The following HMGA1 variants were observed in gnomAD, a reference collection of about 807,000 sequenced individuals.
HMGA1 encodes the protein high mobility group protein HMG-I/HMG-Y.
A neutral mutation model predicts 15.1 loss-of-function variants in HMGA1; 1 was observed. The observed-to-expected ratio is 0.07, with a 90% CI of 0.02 to 0.31. The LOEUF (loss-of-function observed/expected upper bound fraction) is 0.31. Ranked by LOEUF, HMGA1 falls within the 10% of genes least tolerant of loss-of-function variation. HMGA1 has a pLI of 1.00. For missense variants in HMGA1, 94 were observed against 141.4 expected (o/e 0.66, Z 1.70); for synonymous variants, 56 against 54.8 (o/e 1.02, Z -0.10).
Position 34,244,950 on chromosome 6 carries a change from C to T in HMGA1, c.*66C>T, listed in dbSNP as rs752273694. The T allele has an allele frequency of 7.3e-5, 113 of 1,547,404 alleles. No homozygotes were observed. The highest frequency in any genetic ancestry group is 6.1e-4 in the Admixed American group (31 of 50,940). Reference sequence around the variant, plus strand: ...CTTCTGGGACTGGACAGCTTTGCTCCGCTCCCACCGCCCCCACCCCTTCCC... The same window carrying T: ...CTTCTGGGACTGGACAGCTTTGCTCTGCTCCCACCGCCCCCACCCCTTCCC... On this transcript the variant is annotated 3_prime_UTR_variant, in exon 6 of 6. Transcript: ENST00000311487.
chr6:34,244,060 G>A (rs1762518102), intron 5 of HMGA1, among the ~76,000 whole-genome samples: 1 of 151,876 alleles, frequency 6.6e-6, no homozygotes, highest in Admixed American at 6.6e-5. Context: ...TGCCTCTAGG[G>A]GGCCACTGCA....
chr6:34,244,271 G>A (rs374565901), intron 5 of HMGA1, among the ~76,000 whole-genome samples: 2 of 152,078 alleles, frequency 1.3e-5, no homozygotes, highest in East Asian at 1.9e-4. Flanking sequence ...CTGTAGCCCC[G>A]TGTGGTGTCC....
chr6:34,242,073 AC>A (rs1460532204), intron 3 of HMGA1, among the ~76,000 whole-genome samples: 3 of 152,164 alleles, frequency 2.0e-5, no homozygotes, highest in African/African-American at 7.2e-5. Context: ...GCGCGCCTTC[AC>A]CACACACCTT....
At chr6:34,237,844 C>T (rs1003628646) in intron 2 of HMGA1, among the ~76,000 whole-genome samples, 1 of 151,908 alleles carries the variant, frequency 6.6e-6, no homozygotes, top group African/African-American at 2.4e-5. Flanking sequence ...CCTACGCCCT[C>T]TCGGCCTTTC....
At chr6:34,240,676 T>TG (rs1762230523) in intron 2 of HMGA1, 61 bp from the exon 3 acceptor site, 1 of 1,317,348 alleles carries the variant, frequency 7.6e-7, no homozygotes, top group African/African-American at 1.5e-5. Context: ...GTGTGGGTGA[T>TG]GAGGGGGTAG....
intron 2 of HMGA1, 171 bp from the exon 3 acceptor site, chr6:34,240,566 C>A (rs1762219472): frequency 1.7e-6 from 1 of 596,440 alleles, no homozygotes; most frequent in South Asian, 1.9e-5. Context: ...CCCTTCCCCG[C>A]CCTTGGCAGC....
chr6:34,242,831 A>T (rs2127544391), intron 4 of HMGA1, 36 bp downstream of exon 4: 1 of 1,473,716 alleles, frequency 6.8e-7, no homozygotes, highest in Middle Eastern at 1.7e-4. Context: ...TGGGTGGATG[A>T]CTAGCAGAGG....
At chr6:34,237,649 C>G (rs1305414028) in intron 2 of HMGA1, among the ~76,000 whole-genome samples, 1 of 147,628 alleles carries the variant, frequency 6.8e-6, no homozygotes, top group Non-Finnish European at 1.5e-5. Flanking sequence ...CCCGGAGGAG[C>G]CCGGCGCACC....
At chr6:34,239,465 CTAT>C (rs1467079710) in intron 2 of HMGA1, among the ~76,000 whole-genome samples, 1 of 151,998 alleles carries the variant, frequency 6.6e-6, no homozygotes, top group African/African-American at 2.4e-5. Flanking sequence ...AGATTTCTTT[CTAT>C]TATTTTAAGT....
rs1761839896 is a variant in HMGA1, at chr6:34,237,304, C to A, written c.-58C>A. On this transcript the variant is annotated 5_prime_UTR_variant, in exon 2 of 6. Coordinates refer to ENST00000311487, the MANE Select transcript of HMGA1 (RefSeq NM_145899.3). ...ACCCGGAGCGCGCACCGCAGGCCGG[C>A]GGCCGAGCTCGCGGTGAGTCGTCCC... The A allele has an allele frequency of 6.8e-6, 1 of 147,270 alleles. No homozygotes were observed. Among genetic ancestry groups the A allele is most frequent in the Admixed American group, 6.7e-5 (1 of 14,872 alleles). 9.1% of individuals were successfully genotyped at this position (147,270 alleles called of 1,614,324 possible).
At position 34,244,831 on chromosome 6, in the gene HMGA1, GAGA is replaced by G; in HGVS notation, c.274_276del (p.Lys92del). On this transcript the variant is annotated inframe_deletion and splice_region_variant, in exon 6 of 6. Coordinates refer to ENST00000311487, the MANE Select transcript of HMGA1 (RefSeq NM_145899.3). ...ACACCAACAACTGCCCACCTCACAGGAGAAGGAGGAAGAGGAGGGCATCTCGCA... is the reference window on the plus strand; with the variant it reads ...ACACCAACAACTGCCCACCTCACAGGAGGAGGAAGAGGAGGGCATCTCGCA... 6.4e-7 allele frequency: 1 copy of G among 1,571,724 alleles called. No homozygotes were observed. Among genetic ancestry groups the G allele is most frequent in the Non-Finnish European group, 8.6e-7 (1 of 1,158,762 alleles).
Position 34,245,078 on chromosome 6 carries a change from G to C in HMGA1, c.*194G>C, listed in dbSNP as rs1356247573. The C allele has an allele frequency of 2.6e-6, 4 of 1,527,624 alleles. No homozygotes were observed. In the South Asian group the frequency reaches 3.6e-5, roughly 14 times the overall value. The allele number at this position is 1,527,624 out of a possible 1,614,324, so 94.6% of individuals were successfully genotyped here. The stretch of plus-strand genomic sequence containing the variant: ...ACCAGCCGCTGCAGGGCTCCCATGG[G>C]CTGAGTGGGGAGCAGTTTTCCCCTG... On this transcript the variant is annotated 3_prime_UTR_variant, in exon 6 of 6. Coordinates refer to ENST00000311487, the MANE Select transcript of HMGA1 (RefSeq NM_145899.3).
In HMGA1 at chr6:34,237,239, C is replaced by G. The variant is rs1392956794; in HGVS notation, c.-123C>G. The G allele has an allele frequency of 2.3e-4, 34 of 148,426 alleles. No homozygotes were observed. The highest frequency in any genetic ancestry group is 7.3e-4 in the African/African-American group (30 of 40,848). The allele number at this position is 148,426 out of a possible 1,614,324, so 9.2% of individuals were successfully genotyped here. A position where few individuals can be genotyped will look rare whatever the true frequency, so the allele number is the denominator to read the frequency against. On this transcript the variant is annotated 5_prime_UTR_variant, in exon 2 of 6. Transcript: ENST00000311487. ...GCTACCAGCGGCGGCCGCGGCGGAGCCAGGCCGGTCCTCAGCGCCCAGCAC... is the reference window on the plus strand; with the variant it reads ...GCTACCAGCGGCGGCCGCGGCGGAGGCAGGCCGGTCCTCAGCGCCCAGCAC...
At chr6:34,240,237 G>A (rs2127541497) in intron 2 of HMGA1, among the ~76,000 whole-genome samples, 1 of 152,328 alleles carries the variant, frequency 6.6e-6, no homozygotes, top group Non-Finnish European at 1.5e-5. Flanking sequence ...TGTCAGTGAG[G>A]TGGGCAGGGG....
chr6:34,241,963 C>T (rs1420495891), intron 3 of HMGA1, among the ~76,000 whole-genome samples: 1 of 152,146 alleles, frequency 6.6e-6, no homozygotes, highest in Admixed American at 6.5e-5. Context: ...TCCTACCCCA[C>T]CTGTTAGCCA....
Position 34,239,741 on chromosome 6 carries a change from A to G in HMGA1, c.-44-996A>G, listed in dbSNP as rs138914568. The stretch of plus-strand genomic sequence containing the variant: ...CCTTTTTAAGCCTGTAATACAGGGT[A>G]TTCCCAAATACAGGTTGCAGGCCCT... On this transcript the variant is annotated intron_variant, in intron 2 of 5. Transcript: ENST00000311487. 2.9e-3 allele frequency among the ~76,000 whole-genome samples: 444 copies of G among 152,306 alleles called. 2 individuals carry two copies. The highest frequency in any genetic ancestry group is 0.01 in the African/African-American group (421 of 41,550).
chr6:34,244,905 C>T lies in HMGA1; in HGVS notation c.*21C>T. 6.4e-7 allele frequency: 1 copy of T among 1,552,840 alleles called. No individual in the cohort carries two copies. Among genetic ancestry groups the T allele is most frequent in the South Asian group, 1.2e-5 (1 of 84,244 alleles). On this transcript the variant is annotated 3_prime_UTR_variant, in exon 6 of 6. Transcript: ENST00000311487. ...AGTGACCCATGCGTGCCGCCTGCTCCTCACTGGAGGAGCAGCTTCCTTCTG... is the reference window on the plus strand; with the variant it reads ...AGTGACCCATGCGTGCCGCCTGCTCTTCACTGGAGGAGCAGCTTCCTTCTG...
intron 5 of HMGA1, among the ~76,000 whole-genome samples, chr6:34,244,062 G>C (rs142150355): frequency 2.0e-5 from 3 of 151,968 alleles, no homozygotes; most frequent in East Asian, 3.9e-4. Context: ...CCTCTAGGGG[G>C]CCACTGCAGT....
chr6:34,242,499 G>C (rs1414496834), intron 3 of HMGA1, among the ~76,000 whole-genome samples: 1 of 152,146 alleles, frequency 6.6e-6, no homozygotes, highest in African/African-American at 2.4e-5. Context: ...TTGCATCTTA[G>C]AAACCTGCAG....
Sources: allele counts gnomAD v4.1 joint callset (sites outside exome capture counted in the v4.1 genomes callset), GRCh38; gene constraint gnomAD v4.1.1; transcripts MANE v1.5; gene names NCBI Gene and HGNC (gene_info 2026-07-23, HGNC 2026-07-21).